FMN1: variants seen among roughly 807,000 people sequenced by gnomAD.
FMN1 encodes the protein formin 1.
Under a neutral mutation model 132.4 loss-of-function variants are expected in FMN1, and 110 were observed. The ratio of observed to expected loss-of-function variants is 0.83; its 90% confidence interval spans 0.71 to 0.97. FMN1 has a LOEUF of 0.97. FMN1 is among the 50% of genes least tolerant of loss of function. The pLI, the probability that FMN1 is intolerant of heterozygous loss-of-function variation, is 0.00. For synonymous variants in FMN1, 722 were observed against 651.7 expected (o/e 1.11, Z -1.64); for missense variants, 1,792 against 1,705.3 (o/e 1.05, Z -0.90).
chr15:33,193,448 C>T (rs1427130831), intron 2 of FMN1, among the ~76,000 whole-genome samples: 1 of 152,152 alleles, frequency 6.6e-6, no homozygotes, highest in Non-Finnish European at 1.5e-5. Flanking sequence ...TGCCAATACA[C>T]ACGCAAGGGG....
rs761239009 is a variant in FMN1, at chr15:32,926,272, A to C, written c.3139-11T>G. 2.4e-6 allele frequency: 1 copy of C among 425,158 alleles called. No individual in the cohort carries two copies. The allele number at this position is 425,158 out of a possible 1,614,324, so 26.3% of individuals were successfully genotyped here. On this transcript the variant is annotated splice_polypyrimidine_tract_variant and intron_variant, in intron 9 of 20. Transcript: ENST00000616417. ...CAACAATTTGATGATCTAAAATTAG[A>C]AAAAAAAAAAAAAGAATACAAGCTC...
intron 7 of FMN1, among the ~76,000 whole-genome samples, chr15:32,978,038 G>C (rs1198355815): frequency 6.6e-6 from 1 of 151,788 alleles, no homozygotes; most frequent in Non-Finnish European, 1.5e-5. Flanking sequence ...TTTATTCTTA[G>C]TAGAGACAGG....
At chr15:32,992,713 T>C (rs1235080615) in intron 7 of FMN1, among the ~76,000 whole-genome samples, 1 of 152,198 alleles carries the variant, frequency 6.6e-6, no homozygotes, top group Non-Finnish European at 1.5e-5. Flanking sequence ...CATATTCCTA[T>C]AACTCCTAAG....
chr15:32,944,763 G>A (rs2140459676), intron 9 of FMN1, among the ~76,000 whole-genome samples: 1 of 152,222 alleles, frequency 6.6e-6, no homozygotes, highest in South Asian at 2.1e-4. Flanking sequence ...TGAAGGCTAT[G>A]ACAGTGTGGG....
intron 6 of FMN1, among the ~76,000 whole-genome samples, chr15:33,056,048 C>T (rs973157346): frequency 1.3e-5 from 2 of 152,186 alleles, no homozygotes; most frequent in African/African-American, 4.8e-5. Flanking sequence ...AAACCAAACA[C>T]ACCAAATGAC....
chr15:33,154,950 G>T lies in FMN1; in HGVS notation c.-36C>A. ...TAATTATTCATGCCTTGGAGATGCC[G>T]GTTTGTGGTCAGGCTTCCCAGGCTC... On this transcript the variant is annotated 5_prime_UTR_variant, in exon 4 of 21. Coordinates refer to ENST00000616417, the MANE Select transcript of FMN1 (RefSeq NM_001277313.2). 1 of 1,485,690 alleles carries T rather than the reference G, an allele frequency of 6.7e-7. No individual in the cohort carries two copies. The highest frequency in any genetic ancestry group is 8.9e-7 in the Non-Finnish European group (1 of 1,119,986). The allele number at this position is 1,485,690 out of a possible 1,614,324, so 92.0% of individuals were successfully genotyped here.
At chr15:32,833,938 A>C (rs1292270905) in intron 17 of FMN1, among the ~76,000 whole-genome samples, 1 of 152,188 alleles carries the variant, frequency 6.6e-6, no homozygotes, top group East Asian at 1.9e-4. Flanking sequence ...TTACACTAAA[A>C]GGCAGCTACT....
chr15:33,029,938 A>C (rs750099397), intron 6 of FMN1, among the ~76,000 whole-genome samples: 2 of 152,196 alleles, frequency 1.3e-5, no homozygotes, highest in Admixed American at 6.5e-5. Flanking sequence ...CAGGCAGATC[A>C]TGAGGTCAAG....
chr15:32,948,183 A>G (rs987533652), intron 9 of FMN1, among the ~76,000 whole-genome samples: 3 of 151,984 alleles, frequency 2.0e-5, no homozygotes, highest in African/African-American at 4.8e-5. Flanking sequence ...TCATCTTTCA[A>G]TTATATAGTT....
chr15:33,024,740 T>G (rs1016332764), intron 6 of FMN1, among the ~76,000 whole-genome samples: 2 of 152,118 alleles, frequency 1.3e-5, no homozygotes, highest in Non-Finnish European at 2.9e-5. Flanking sequence ...AGTGAAGCAT[T>G]TACACATTAA....
chr15:32,811,717 T>G (rs921931540), intron 17 of FMN1, among the ~76,000 whole-genome samples: 5 of 151,434 alleles, frequency 3.3e-5, no homozygotes, highest in Admixed American at 2.0e-4. Context: ...CAGGCTGGAG[T>G]GCAGTGGTGC....
At position 32,774,317 on chromosome 15, in the gene FMN1, G is replaced by C; in HGVS notation, c.4253C>G (p.Thr1418Ser). 1 of 1,604,250 alleles carries C rather than the reference G, an allele frequency of 6.2e-7. No individual in the cohort carries two copies. The stretch of plus-strand genomic sequence containing the variant: ...TTTCCATGTGTCTTCATCTTAGTTA[G>C]TGGTCACACTGGCTTCCTTCTGACG... ...RLRQKEASVT[T>S]N The change falls in exon 21 of 21, where the codon ACT (threonine) becomes AGT (serine). Residue 1418 changes from threonine to serine, a missense_variant. Thr to Ser is a moderately conservative substitution (Grantham distance 58). This residue lies in a region of FMN1 where 1,150 missense variants were observed against 1,043.1 expected (regional missense o/e 1.10). Coordinates refer to ENST00000616417, the MANE Select transcript of FMN1 (RefSeq NM_001277313.2).
intron 4 of FMN1, among the ~76,000 whole-genome samples, chr15:33,135,382 A>G (rs1180972588): frequency 6.6e-6 from 1 of 152,238 alleles, no homozygotes; most frequent in African/African-American, 2.4e-5. Flanking sequence ...TGTTGGTACA[A>G]ACTGGACAAC....
chr15:32,828,539 T>C (rs772680422), intron 17 of FMN1, among the ~76,000 whole-genome samples: 3 of 151,996 alleles, frequency 2.0e-5, no homozygotes, highest in Non-Finnish European at 4.4e-5. Flanking sequence ...TTTGTAACAG[T>C]GAATAGACTC....
chr15:33,035,193 CAT>C (rs2036132999), intron 6 of FMN1, among the ~76,000 whole-genome samples: 1 of 151,974 alleles, frequency 6.6e-6, no homozygotes, highest in African/African-American at 2.4e-5. Context: ...TAAAACCTAA[CAT>C]AATTTTGAAA....
chr15:32,908,577 C>T lies in FMN1; in HGVS notation c.3290G>A (p.Arg1097Lys), dbSNP rs760680441. The T allele has an allele frequency of 7.9e-7, 1 of 1,272,200 alleles. No homozygotes were observed. The highest frequency in any genetic ancestry group is 2.4e-5 in the East Asian group (1 of 41,388). The allele number at this position is 1,272,200 out of a possible 1,614,324, so 78.8% of individuals were successfully genotyped here. A position where few individuals can be genotyped will look rare whatever the true frequency, so the allele number is the denominator to read the frequency against. ...LETLAALYEN[R>K]AQEDELVKIR... ...TTTAACCAGCTCATCCTCTTGGGCTCTCTGTATCAAAATAGAAAACAAAAC... is the reference window on the plus strand; with the variant it reads ...TTTAACCAGCTCATCCTCTTGGGCTTTCTGTATCAAAATAGAAAACAAAAC... Residue 1097 changes from arginine to lysine, a missense_variant and splice_region_variant, in exon 12 of 21, where the codon AGA (arginine) becomes AAA (lysine). Around this residue, in one of 3 missense-constraint regions of FMN1, gnomAD observed 1,150 missense variants for 1,043.1 expected, o/e 1.10. Transcript: ENST00000616417.
intron 5 of FMN1, among the ~76,000 whole-genome samples, chr15:33,085,980 G>T (rs573374883): frequency 6.6e-6 from 1 of 152,116 alleles, no homozygotes; most frequent in East Asian, 1.9e-4. Flanking sequence ...GACCAGGTGC[G>T]GTGGCTCACG....
chr15:32,925,604 G>T (rs2060940700), intron 10 of FMN1, among the ~76,000 whole-genome samples: 1 of 152,196 alleles, frequency 6.6e-6, no homozygotes, highest in African/African-American at 2.4e-5. Flanking sequence ...GGCAATGCAT[G>T]GAATTTGTCT....
intron 16 of FMN1, 117 bp from the exon 17 acceptor site, chr15:32,857,224 T>A (rs2059154433): frequency 2.7e-6 from 2 of 749,170 alleles, no homozygotes; most frequent in Admixed American, 4.6e-5. Context: ...TGTCAACCAC[T>A]GTTGGTCCAA....
Sources: allele counts gnomAD v4.1 joint callset (sites outside exome capture counted in the v4.1 genomes callset), GRCh38; gene constraint gnomAD v4.1.1; regional missense constraint gnomAD v4.1.1; transcripts MANE v1.5; gene names NCBI Gene and HGNC (gene_info 2026-07-23, HGNC 2026-07-21).